The following SENP6 variants were observed in gnomAD, a reference collection of about 807,000 sequenced individuals.
The protein encoded by SENP6 is sentrin-specific protease 6.
A neutral mutation model predicts 134.5 loss-of-function variants in SENP6; 41 were observed. The ratio of observed to expected loss-of-function variants is 0.30; its 90% CI spans 0.24 to 0.40. The LOEUF is 0.40. SENP6 is among the 10% of genes least tolerant of loss of function. The pLI is 1.00. For synonymous variants in SENP6, 395 were observed against 429.8 expected, an observed-to-expected ratio of 0.92 and a Z score of 1.00; for missense variants, 1,248 against 1,312.5, an observed-to-expected ratio of 0.95 and a Z score of 0.76.
rs184484620 is a variant in SENP6 at position 75,679,882 on chromosome 6, G to C, written c.2075+955G>C. ...TTAAAAATTGATGCTGGAATCTGCT[G>C]AATTGATTTTATAGCCTATTGGTGG... On this transcript the variant is annotated intron_variant, in intron 16 of 23. Transcript: ENST00000447266. 14 of 152,274 alleles carry C rather than the reference G, an allele frequency of 9.2e-5. No individual in the cohort carries two copies. The East Asian group carries it at 1.7e-3, about 19-fold the overall frequency. 9.4% of individuals were successfully genotyped at this position (152,274 alleles called of 1,614,324 possible). A position where few individuals can be genotyped will look rare whatever the true frequency, so the allele number is the denominator to read the frequency against.
intron 6 of SENP6, among the ~76,000 whole-genome samples, chr6:75,645,413 C>T (rs765575430): frequency 1.2e-4 from 19 of 152,116 alleles, no homozygotes; most frequent in African/African-American, 2.9e-4. Flanking sequence ...GCCAGGAGTT[C>T]GAGGCCAGCC....
At chr6:75,649,160 C>CA (rs1357206616) in intron 7 of SENP6, among the ~76,000 whole-genome samples, 2 of 151,158 alleles carry the variant, frequency 1.3e-5, no homozygotes, top group Non-Finnish European at 2.9e-5. Context: ...AAAAAAAATA[C>CA]AAAAATTAGC....
At chr6:75,685,618 C>T (rs1773781123) in intron 16 of SENP6, among the ~76,000 whole-genome samples, 1 of 152,172 alleles carries the variant, frequency 6.6e-6, no homozygotes, top group African/African-American at 2.4e-5. Flanking sequence ...TCACTGGTTT[C>T]AAAGAACATC....
At chr6:75,648,163 A>G (rs1770600309) in intron 7 of SENP6, among the ~76,000 whole-genome samples, 1 of 152,204 alleles carries the variant, frequency 6.6e-6, no homozygotes, top group Non-Finnish European at 1.5e-5. Flanking sequence ...AAAATTTAGA[A>G]TACATTAGGG....
intron 7 of SENP6, among the ~76,000 whole-genome samples, chr6:75,658,220 G>A (rs1049825438): frequency 1.2e-4 from 18 of 152,220 alleles, no homozygotes; most frequent in East Asian, 3.9e-4. Flanking sequence ...GAAAATAGAC[G>A]TGCAAACAAT....
chr6:75,640,900 T>G (rs566939251), intron 6 of SENP6, among the ~76,000 whole-genome samples, 196 bp downstream of exon 6: 1 of 152,312 alleles, frequency 6.6e-6, no homozygotes, highest in Admixed American at 6.5e-5. Context: ...ATACAATGTG[T>G]ATGATCAGAT....
At chr6:75,664,489 A>G (rs1772040600) in intron 9 of SENP6, among the ~76,000 whole-genome samples, 1 of 152,156 alleles carries the variant, frequency 6.6e-6, no homozygotes, top group Non-Finnish European at 1.5e-5. Flanking sequence ...TGAAATAGAT[A>G]CCCTTATTGT....
intron 7 of SENP6, among the ~76,000 whole-genome samples, chr6:75,652,689 A>AAAAAAAAAAAAAAAAAAAAAAAAG: frequency 1.3e-5 from 2 of 149,254 alleles, no homozygotes; most frequent in South Asian, 2.1e-4. Flanking sequence ...ATCTCAAAAA[A>AAAAAAAAAAAAAAAAAAAAAAAAG]AAAAAAAAAA....
chr6:75,647,108 G>A (rs1476037326), intron 6 of SENP6, among the ~76,000 whole-genome samples: 1 of 152,144 alleles, frequency 6.6e-6, no homozygotes, highest in Non-Finnish European at 1.5e-5. Context: ...GAGTAGGAAA[G>A]TAGCTATTGT....
At chr6:75,614,520 C>A (rs1216292783) in intron 1 of SENP6, among the ~76,000 whole-genome samples, 2 of 152,150 alleles carry the variant, frequency 1.3e-5, no homozygotes, top group Non-Finnish European at 2.9e-5. Flanking sequence ...CCTGCCTTGG[C>A]CTCCCAAAGT....
rs71544060 is a variant in SENP6, at chr6:75,699,354, C to CTTTTTTTTTTTTTTTTTTT, written c.2288+1839_2288+1857dup. 1.9e-4 allele frequency among the ~76,000 whole-genome samples: 22 copies of CTTTTTTTTTTTTTTTTTTT among 115,018 alleles called. 1 individual carries two copies. Among genetic ancestry groups the CTTTTTTTTTTTTTTTTTTT allele is most frequent in the South Asian group, 5.9e-4 (2 of 3,388 alleles). 75.5% of individuals were successfully genotyped at this position (115,018 alleles called of 152,430 possible). A position where few individuals can be genotyped will look rare whatever the true frequency, so the allele number is the denominator to read the frequency against. ...TCAAGAGAGCTTGTTTTTGTTTTTG[C>CTTTTTTTTTTTTTTTTTTT]TTTTTTTTTTTTTTTTTTTTGAAGA... is the stretch of plus-strand genomic sequence containing the variant. On this transcript the variant is annotated intron_variant, in intron 18 of 23. Coordinates refer to ENST00000447266, the MANE Select transcript of SENP6 (RefSeq NM_015571.4).
intron 1 of SENP6, among the ~76,000 whole-genome samples, chr6:75,621,127 G>C (rs1309510401): frequency 6.6e-6 from 1 of 152,190 alleles, no homozygotes; most frequent in Non-Finnish European, 1.5e-5. Flanking sequence ...GGCAGGTATC[G>C]TTGAGTTTAA....
chr6:75,677,418 CAGT>C (rs1773165897), intron 14 of SENP6, 162 bp downstream of exon 14: 3 of 602,776 alleles, frequency 5.0e-6, no homozygotes, highest in Admixed American at 3.5e-5. Flanking sequence ...TGTGTCAAAA[CAGT>C]GGTGGGTAGG....
At chr6:75,708,302 G>C (rs1775537333) in intron 19 of SENP6, among the ~76,000 whole-genome samples, 1 of 151,910 alleles carries the variant, frequency 6.6e-6, no homozygotes, top group Non-Finnish European at 1.5e-5. Context: ...CAGATTTTTT[G>C]CTTCCTTTTC....
intron 16 of SENP6, among the ~76,000 whole-genome samples, chr6:75,695,165 C>T (rs1397189941): frequency 4.6e-5 from 7 of 151,972 alleles, no homozygotes; most frequent in South Asian, 2.1e-4. Context: ...CATGAGCCAC[C>T]GTGTGCAGCC....
At chr6:75,607,571 C>T (rs933326029) in intron 1 of SENP6, among the ~76,000 whole-genome samples, 1 of 151,396 alleles carries the variant, frequency 6.6e-6, no homozygotes, top group Non-Finnish European at 1.5e-5. Context: ...CAAGTGAATT[C>T]CTTCTCCTAT....
At chr6:75,609,852 T>C (rs914610556) in intron 1 of SENP6, among the ~76,000 whole-genome samples, 1 of 152,180 alleles carries the variant, frequency 6.6e-6, no homozygotes, top group Non-Finnish European at 1.5e-5. Flanking sequence ...CCATCTCAGC[T>C]CACTGGCTGA....
chr6:75,695,347 A>G (rs189911142), intron 16 of SENP6, among the ~76,000 whole-genome samples: 148 of 152,392 alleles, frequency 9.7e-4, no homozygotes, highest in Middle Eastern at 3.4e-3. Flanking sequence ...CCTGAAGATA[A>G]TCGGATAGTT....
At chr6:75,616,961 T>A (rs932704504) in intron 1 of SENP6, among the ~76,000 whole-genome samples, 1 of 152,068 alleles carries the variant, frequency 6.6e-6, no homozygotes, top group Non-Finnish European at 1.5e-5. Flanking sequence ...CCTCCCAGGC[T>A]CAATTGATCC....
Sources: allele counts gnomAD v4.1 joint callset (sites outside exome capture counted in the v4.1 genomes callset), GRCh38; gene constraint gnomAD v4.1.1; transcripts MANE v1.5; gene names NCBI Gene and HGNC (gene_info 2026-07-23, HGNC 2026-07-21).